The following UGT2B7 variants were observed in gnomAD, a reference collection of about 807,000 sequenced individuals.
The protein encoded by UGT2B7 is UDP-glucuronosyltransferase 2B7.
In UGT2B7, 51 loss-of-function variants were observed where a neutral mutation model predicts 51.9. That is an observed-to-expected ratio of 0.98 (90% CI 0.78 to 1.24). The LOEUF is 1.24. Ranked by LOEUF, UGT2B7 falls within the 50% of genes most tolerant of loss-of-function variation. The pLI, the probability that UGT2B7 is intolerant of heterozygous loss-of-function variation, is 0.00. For missense variants in UGT2B7, 727 were observed against 628.4 expected, an observed-to-expected ratio of 1.16 and a Z score of -1.68; for synonymous variants, 225 against 211.6, an observed-to-expected ratio of 1.06 and a Z score of -0.55.
intron 1 of UGT2B7, among the ~76,000 whole-genome samples, chr4:69,052,135 T>G (rs1718035621): frequency 1.3e-5 from 2 of 151,970 alleles, no homozygotes; most frequent in Admixed American, 1.3e-4. Context: ...TGGCCAGCAT[T>G]AGAGGTAGGT....
chr4:69,081,447 G>C (rs984389084), intron 1 of UGT2B7, among the ~76,000 whole-genome samples: 1 of 152,048 alleles, frequency 6.6e-6, no homozygotes, highest in African/African-American at 2.4e-5. Context: ...AAACAAAAAT[G>C]ACCTTTTGAC....
At chr4:69,110,102 A>C (rs1271156809) in intron 5 of UGT2B7, among the ~76,000 whole-genome samples, 1 of 152,100 alleles carries the variant, frequency 6.6e-6, no homozygotes, top group East Asian at 1.9e-4. Context: ...TGAAGAACAC[A>C]ATTAACAAAT....
intron 1 of UGT2B7, among the ~76,000 whole-genome samples, chr4:69,068,255 C>G (rs1431029973): frequency 1.3e-5 from 2 of 151,914 alleles, no homozygotes; most frequent in African/African-American, 4.8e-5. Context: ...TTGATCCCAT[C>G]ACTGATAATT....
Position 69,063,762 on chromosome 4 carries a change from T to G in UGT2B7, c.-159+12160T>G, listed in dbSNP as rs182455438. Among the ~76,000 whole-genome samples, 10 of 152,214 alleles carry G rather than the reference T, an allele frequency of 6.6e-5. No homozygotes were observed. In the East Asian group the frequency reaches 1.2e-3, roughly 18 times the overall value. ...GGTTGGTTTTCATCCTTTGGTGGTT[T>G]TAAAACAGTAGGGGTAGTGTTGGCT... On this transcript the variant is annotated intron_variant, in intron 1 of 5. Coordinates refer to the UGT2B7 transcript ENST00000502942.
chr4:69,088,204 A>C (rs1331070196), intron 1 of UGT2B7, among the ~76,000 whole-genome samples: 1 of 151,872 alleles, frequency 6.6e-6, no homozygotes, highest in African/African-American at 2.4e-5. Context: ...ACTCTGTTTG[A>C]CCAAGTCTGC....
chr4:69,086,041 A>G (rs951917152), intron 1 of UGT2B7, among the ~76,000 whole-genome samples: 1 of 151,054 alleles, frequency 6.6e-6, no homozygotes, highest in African/African-American at 2.4e-5. Context: ...CTTTTCTACT[A>G]TTTTTTAGTT....
chr4:69,109,883 T>C (rs1191885280), intron 5 of UGT2B7, among the ~76,000 whole-genome samples: 1 of 151,932 alleles, frequency 6.6e-6, no homozygotes, highest in African/African-American at 2.4e-5. Context: ...TGAAAAATAC[T>C]TTATCACAAA....
In UGT2B7 at chr4:69,108,180, A is replaced by G. The variant is rs1474536029; in HGVS notation, c.1168A>G (p.Met390Val). The change falls in exon 5 of 6, where the codon ATG becomes GTG. Residue 390 changes from methionine (M) to valine (V), a missense_variant. Coordinates refer to ENST00000305231, the MANE Select transcript of UGT2B7 (RefSeq NM_001074.4). ...IYEAIYHGIP[M>V]VGIPLFADQP... ...CGAGGCAATCTACCATGGGATCCCT[A>G]TGGTGGGGATTCCATTGTTTGCCGA... 2 of 1,613,574 alleles carry G rather than the reference A, an allele frequency of 1.2e-6. No individual in the cohort carries two copies. Among genetic ancestry groups the G allele is most frequent in the Non-Finnish European group, 1.7e-6 (2 of 1,179,706 alleles).
chr4:69,108,139 G>A lies in UGT2B7; in HGVS notation c.1127G>A (p.Gly376Glu), dbSNP rs769760607. Residue 376 changes from glycine (G) to glutamate (E), a missense_variant, in exon 5 of 6, where the codon GGA (glycine) becomes GAA (glutamate). Gly to Glu is a moderately conservative substitution (Grantham distance 98). Coordinates refer to ENST00000305231, the MANE Select transcript of UGT2B7 (RefSeq NM_001074.4). ...PKTRAFITHG[G>E]ANGIYEAIYH... ...ACCAGAGCTTTTATAACTCATGGTG[G>A]AGCCAATGGCATCTACGAGGCAATC... 2 of 1,613,480 alleles carry A rather than the reference G, an allele frequency of 1.2e-6. No homozygotes were observed. The highest frequency in any genetic ancestry group is 2.2e-5 in the South Asian group (2 of 91,066).
intron 1 of UGT2B7, among the ~76,000 whole-genome samples, chr4:69,056,588 G>A (rs1244178595): frequency 6.6e-6 from 1 of 152,188 alleles, no homozygotes; most frequent in African/African-American, 2.4e-5. Flanking sequence ...TGGAAGCCAT[G>A]TTTAAAAATT....
intron 2 of UGT2B7, 66 bp from the exon 3 acceptor site, chr4:69,102,741 C>G: frequency 6.4e-7 from 1 of 1,560,852 alleles, no homozygotes; most frequent in Non-Finnish European, 8.6e-7. Context: ...TAATTTGCAC[C>G]AATTCTTTTG....
At chr4:69,053,904 A>T (rs1158624142) in intron 1 of UGT2B7, among the ~76,000 whole-genome samples, 1 of 152,112 alleles carries the variant, frequency 6.6e-6, no homozygotes, top group Non-Finnish European at 1.5e-5. Flanking sequence ...CATTTCATCA[A>T]CCAGAGGAAG....
At chr4:69,080,187 A>C (rs1031238513) in intron 1 of UGT2B7, among the ~76,000 whole-genome samples, 1 of 152,136 alleles carries the variant, frequency 6.6e-6, no homozygotes, top group Non-Finnish European at 1.5e-5. Flanking sequence ...ATCAAAGCAC[A>C]ACAACATTAA....
chr4:69,092,333 A>G (rs1361145583), upstream of UGT2B7, among the ~76,000 whole-genome samples: 2 of 152,292 alleles, frequency 1.3e-5, no homozygotes, highest in East Asian at 3.9e-4. Flanking sequence ...GGAATTTTTA[A>G]ACCACTATGT....
chr4:69,084,052 G>A lies in UGT2B7; in HGVS notation c.-158-5420G>A, dbSNP rs963971597. 2.6e-5 allele frequency among the ~76,000 whole-genome samples: 4 copies of A among 151,964 alleles called. No homozygotes were observed. The South Asian group carries it at 8.3e-4, about 32-fold the overall frequency. On this transcript the variant is annotated intron_variant, in intron 1 of 5. Transcript: ENST00000502942. ...CCTTTATAAGTTTGAAGTGTTTTTA[G>A]TATACTTGTTGAAAGTTGAAAGTTT...
intron 2 of UGT2B7, among the ~76,000 whole-genome samples, chr4:69,101,808 T>G (rs1166377368): frequency 8.5e-5 from 13 of 152,150 alleles, no homozygotes; most frequent in Admixed American, 8.5e-4. Flanking sequence ...GTCAGAATAA[T>G]TCTCAATCGA....
chr4:69,099,836 T>A (rs753822728), intron 2 of UGT2B7, among the ~76,000 whole-genome samples: 13 of 152,024 alleles, frequency 8.6e-5, no homozygotes, highest in Non-Finnish European at 1.5e-4. Flanking sequence ...GTTCAGTACA[T>A]CAAAATTATA....
chr4:69,096,978 T>C lies in UGT2B7; in HGVS notation c.458T>C (p.Ile153Thr), dbSNP rs1183201474. 1 of 1,613,672 alleles carries C rather than the reference T, an allele frequency of 6.2e-7. No individual in the cohort carries two copies. Among genetic ancestry groups the C allele is most frequent in the Non-Finnish European group, 8.5e-7 (1 of 1,179,790 alleles). ...SRFDVIFADA[I>T]FPCSELLAEL... is the part of the protein sequence containing the mutation. Reference sequence around the variant, plus strand: ...TTTGACGTCATTTTTGCAGATGCTATTTTTCCCTGTAGTGAGCTGCTGGCT... The same window carrying C: ...TTTGACGTCATTTTTGCAGATGCTACTTTTCCCTGTAGTGAGCTGCTGGCT... Residue 153 changes from isoleucine to threonine, a missense_variant, in exon 1 of 6, where the codon ATT (isoleucine) becomes ACT (threonine). Coordinates refer to ENST00000305231, the MANE Select transcript of UGT2B7 (RefSeq NM_001074.4).
Position 69,112,745 on chromosome 4 carries a change from G to A in UGT2B7, c.*9G>A. On this transcript the variant is annotated 3_prime_UTR_variant, in exon 6 of 6. Coordinates refer to ENST00000305231, the MANE Select transcript of UGT2B7 (RefSeq NM_001074.4). ...AGGGAAAAAATGATTAGTTATATCT[G>A]AGATTTGAAGCTGGAAAACCTGATA... 1 of 1,612,606 alleles carries A rather than the reference G, an allele frequency of 6.2e-7. No individual in the cohort carries two copies. Among genetic ancestry groups the A allele is most frequent in the Non-Finnish European group, 8.5e-7 (1 of 1,179,574 alleles).
Sources: gnomAD v4.1 joint callset for allele counts (sites outside exome capture counted in the v4.1 genomes callset) on GRCh38, gnomAD v4.1.1 for gene constraint, MANE v1.5 for transcripts, NCBI Gene and HGNC (gene_info 2026-07-23, HGNC 2026-07-21) for gene names.